The following ANKRD62 variants were observed in gnomAD, a reference collection of about 807,000 sequenced individuals.
ANKRD62 encodes ankyrin repeat domain-containing protein 62.
A neutral mutation model predicts 98.8 loss-of-function variants in ANKRD62; 61 were observed. That is an observed-to-expected ratio of 0.62 (90% CI 0.50 to 0.76). The LOEUF is 0.76. ANKRD62 is among the 30% of genes least tolerant of loss of function. The probability of loss-of-function intolerance (pLI) is 0.00; values close to 1 mark genes in which losing one functional copy is unlikely to be tolerated. For missense variants in ANKRD62, 933 were observed against 1,082.9 expected (o/e 0.86, Z 1.94); for synonymous variants, 341 against 367.9 (o/e 0.93, Z 0.84).
At position 12,099,683 on chromosome 18, in the gene ANKRD62, G is replaced by A; in HGVS notation, c.820+1G>A. 2 of 1,455,958 alleles carry A rather than the reference G, an allele frequency of 1.4e-6. No individual in the cohort carries two copies. Among genetic ancestry groups the A allele is most frequent in the Middle Eastern group, 1.8e-4 (1 of 5,698 alleles). The allele number at this position is 1,455,958 out of a possible 1,614,324, so 90.2% of individuals were successfully genotyped here. Reference sequence around the variant, plus strand: ...AAAAGTCTTCAAAATAGCAATTCAGGTATGACTTCTGATAGTGAATTCCTC... The same window carrying A: ...AAAAGTCTTCAAAATAGCAATTCAGATATGACTTCTGATAGTGAATTCCTC... On this transcript the variant is annotated splice_donor_variant, in intron 6 of 13. Transcript: ENST00000587848. LOFTEE classifies it high-confidence loss of function.
chr18:12,117,581 A>G (rs891641517), intron 10 of ANKRD62, among the ~76,000 whole-genome samples: 1 of 152,174 alleles, frequency 6.6e-6, no homozygotes, highest in Non-Finnish European at 1.5e-5. Flanking sequence ...ACCATGATAC[A>G]TGTTAGCTGT....
chr18:12,138,186 G>T, the ANKRD62 span, among the ~76,000 whole-genome samples: 13 of 152,106 alleles, frequency 8.5e-5, no homozygotes, highest in Admixed American at 7.9e-4. Flanking sequence ...GGCATTTAGT[G>T]CTATAAATTT....
At chr18:12,119,045 T>G (rs1226955966) in intron 10 of ANKRD62, among the ~76,000 whole-genome samples, 1 of 152,216 alleles carries the variant, frequency 6.6e-6, no homozygotes, top group Non-Finnish European at 1.5e-5. Context: ...GGTCCTCAGC[T>G]ATGACTGAAG....
chr18:12,161,478 A>AAG, the ANKRD62 span, among the ~76,000 whole-genome samples: 1 of 86,798 alleles, frequency 1.2e-5, no homozygotes, highest in African/African-American at 4.3e-5. Flanking sequence ...GCAATGCATA[A>AAG]TAGCATGGAG....
intron 10 of ANKRD62, among the ~76,000 whole-genome samples, chr18:12,118,502 A>G (rs1909714839): frequency 1.3e-5 from 2 of 151,786 alleles, no homozygotes; most frequent in African/African-American, 4.8e-5. Context: ...CCAGCTACTC[A>G]GGAGGCTGAA....
At chr18:12,095,112 C>T (rs1370790497) in intron 1 of ANKRD62, 59 bp from the exon 2 acceptor site, 3 of 1,151,938 alleles carry the variant, frequency 2.6e-6, no homozygotes, top group Middle Eastern at 1.9e-4. Context: ...TTGCATGCGT[C>T]GTTGTATGTT....
chr18:12,166,325 T>C, the ANKRD62 span, among the ~76,000 whole-genome samples: 1 of 152,122 alleles, frequency 6.6e-6, no homozygotes, highest in Non-Finnish European at 1.5e-5. Flanking sequence ...CTTTATTCTT[T>C]TTAATTTTTT....
downstream of ANKRD62, among the ~76,000 whole-genome samples, chr18:12,131,736 AGTGTGTGTGTGTGTGT>A (rs59080091): frequency 6.7e-6 from 1 of 148,716 alleles, no homozygotes; most frequent in African/African-American, 2.5e-5. Context: ...TGTATGTGTG[AGTGTGTGTGTGTGTGT>A]GTGTGTGTAT....
intron 8 of ANKRD62, among the ~76,000 whole-genome samples, chr18:12,112,502 G>T (rs1909565407): frequency 6.6e-6 from 1 of 152,200 alleles, no homozygotes; most frequent in Non-Finnish European, 1.5e-5. Flanking sequence ...GGGATAACTG[G>T]CTAGCCATAT....
At chr18:12,135,678 A>G in the ANKRD62 span, among the ~76,000 whole-genome samples, 7 of 151,642 alleles carry the variant, frequency 4.6e-5, no homozygotes, top group African/African-American at 1.2e-4. Flanking sequence ...AAGTGTTCCT[A>G]TTTCTCCACA....
intron 8 of ANKRD62, among the ~76,000 whole-genome samples, chr18:12,114,146 T>A (rs998581443): frequency 6.6e-6 from 1 of 151,582 alleles, no homozygotes; most frequent in Non-Finnish European, 1.5e-5. Context: ...GAAGGTGGAG[T>A]GGAGGATGAG....
At chr18:12,136,955 T>C in the ANKRD62 span, among the ~76,000 whole-genome samples, 9 of 152,076 alleles carry the variant, frequency 5.9e-5, no homozygotes, top group African/African-American at 9.7e-5. Context: ...TGGGCTGAGA[T>C]GATGGGGTTT....
chr18:12,100,676 T>C (rs1282425066), intron 6 of ANKRD62, among the ~76,000 whole-genome samples: 1 of 152,158 alleles, frequency 6.6e-6, no homozygotes, highest in Non-Finnish European at 1.5e-5. Context: ...AAATTCCTTA[T>C]TGAGAAGCAC....
At chr18:12,171,071 TG>T in the ANKRD62 span, among the ~76,000 whole-genome samples, 1 of 152,058 alleles carries the variant, frequency 6.6e-6, no homozygotes, top group African/African-American at 2.4e-5. Context: ...AGCACACTGA[TG>T]GGTCTTCATT....
chr18:12,151,285 A>C, the ANKRD62 span, among the ~76,000 whole-genome samples: 3 of 151,946 alleles, frequency 2.0e-5, no homozygotes, highest in African/African-American at 7.3e-5. Context: ...TAGGTTCATA[A>C]AGCGAGTTCT....
At chr18:12,111,881 A>G (rs1430050114) in intron 8 of ANKRD62, among the ~76,000 whole-genome samples, 1 of 152,152 alleles carries the variant, frequency 6.6e-6, no homozygotes, top group East Asian at 1.9e-4. Flanking sequence ...AAGGAGAACT[A>G]CAAAACACTG....
chr18:12,173,569 T>C, the ANKRD62 span, among the ~76,000 whole-genome samples: 16 of 152,356 alleles, frequency 1.1e-4, no homozygotes, highest in African/African-American at 3.6e-4. Context: ...GACTTGTTTA[T>C]GTGGTTGCTT....
the ANKRD62 span, among the ~76,000 whole-genome samples, chr18:12,145,698 A>G: frequency 6.6e-6 from 1 of 152,176 alleles, no homozygotes; most frequent in South Asian, 2.1e-4. Context: ...TCCCAGAGGG[A>G]GAGGCGGGCC....
chr18:12,123,664 G>A (rs1421394647), intron 11 of ANKRD62, among the ~76,000 whole-genome samples: 2 of 152,186 alleles, frequency 1.3e-5, no homozygotes, highest in East Asian at 3.8e-4. Flanking sequence ...GGAGATACAT[G>A]TTGCAAGAAG....
Sources: allele counts gnomAD v4.1 joint callset (sites outside exome capture counted in the v4.1 genomes callset), GRCh38; gene constraint gnomAD v4.1.1; transcripts MANE v1.5; gene names NCBI Gene and HGNC (gene_info 2026-07-23, HGNC 2026-07-21).